Variants in TLN2 observed in about 807,000 individuals in gnomAD.
The protein encoded by TLN2 is talin 2.
In TLN2, 118 loss-of-function variants were observed where a neutral mutation model predicts 294.7. The ratio of observed to expected loss-of-function variants is 0.40; its 90% CI spans 0.34 to 0.47. TLN2 has a LOEUF of 0.47. TLN2 is among the 20% of genes least tolerant of loss of function. The pLI is 0.84. For missense variants in TLN2, 3,083 were observed against 3,282.2 expected, an observed-to-expected ratio of 0.94 and a Z score of 1.48; for synonymous variants, 1,431 against 1,304.5, an observed-to-expected ratio of 1.10 and a Z score of -2.09.
rs1264066987 is a variant in TLN2, at chr15:62,693,750, AAAATT to A, written c.1216-562_1216-558del. Among the ~76,000 whole-genome samples the A allele has an allele frequency of 2.0e-5, 3 of 152,156 alleles. No homozygotes were observed. The East Asian group carries it at 5.8e-4, about 29-fold the overall frequency. ...TGTGCATCTTGATTTTTTACTATGT[AAAATT>A]AAAGTCTGTGCAATAAATACGTGAC... is the stretch of plus-strand genomic sequence containing the variant. On this transcript the variant is annotated intron_variant, in intron 13 of 58. Transcript: ENST00000636159.
chr15:62,765,148 A>G (rs919745524), intron 40 of TLN2, among the ~76,000 whole-genome samples: 3 of 151,624 alleles, frequency 2.0e-5, no homozygotes, highest in Admixed American at 6.6e-5. Flanking sequence ...CACCCTATTT[A>G]ATTTAACAAA....
At chr15:62,839,914 G>A (rs1425194937) in intron 58 of TLN2, among the ~76,000 whole-genome samples, 1 of 152,206 alleles carries the variant, frequency 6.6e-6, no homozygotes, top group Non-Finnish European at 1.5e-5. Context: ...GCCAGGAAAG[G>A]AACTGACTTT....
intron 26 of TLN2, among the ~76,000 whole-genome samples, chr15:62,723,407 C>T (rs185157597): frequency 3.9e-5 from 6 of 152,280 alleles, no homozygotes; most frequent in Admixed American, 2.0e-4. Flanking sequence ...TGAACATCTG[C>T]ATTTTCACAA....
intron 1 of TLN2, among the ~76,000 whole-genome samples, chr15:62,460,015 C>T (rs547667349): frequency 1.3e-5 from 2 of 152,306 alleles, no homozygotes; most frequent in Non-Finnish European, 2.9e-5. Flanking sequence ...GATCCAGGAC[C>T]TCAGCTCTGT....
At chr15:62,507,726 C>T (rs2039700238) in intron 1 of TLN2, among the ~76,000 whole-genome samples, 1 of 152,166 alleles carries the variant, frequency 6.6e-6, no homozygotes, top group Non-Finnish European at 1.5e-5. Context: ...ATGTGGCATG[C>T]TTAGTAAGCA....
chr15:62,818,186 G>A (rs767713168), intron 52 of TLN2, among the ~76,000 whole-genome samples: 2 of 152,126 alleles, frequency 1.3e-5, no homozygotes, highest in Non-Finnish European at 2.9e-5. Context: ...GTTTAAAACC[G>A]GTAATGGATG....
intron 1 of TLN2, among the ~76,000 whole-genome samples, chr15:62,397,322 A>G (rs767059575): frequency 8.5e-5 from 13 of 152,116 alleles, no homozygotes; most frequent in African/African-American, 1.7e-4. Context: ...CAGTTGTACA[A>G]TCACACCTCA....
chr15:62,573,717 T>A (rs1479124768), intron 1 of TLN2, among the ~76,000 whole-genome samples: 1 of 151,768 alleles, frequency 6.6e-6, no homozygotes, highest in Non-Finnish European at 1.5e-5. Context: ...CTGTCCCTTT[T>A]GCTCCTTCCC....
At chr15:62,762,218 T>TC in intron 38 of TLN2, 54 bp from the exon 39 acceptor site, 1 of 1,598,740 alleles carries the variant, frequency 6.3e-7, no homozygotes, top group Non-Finnish European at 8.6e-7. Context: ...AGGGCCCACG[T>TC]CATTCACTCA....
chr15:62,577,444 C>T (rs1430463698), intron 1 of TLN2, among the ~76,000 whole-genome samples: 1 of 152,128 alleles, frequency 6.6e-6, no homozygotes, highest in Non-Finnish European at 1.5e-5. Flanking sequence ...AACTCCATCT[C>T]AAAAACAAAA....
At chr15:62,566,650 G>GC (rs1394546340) in intron 1 of TLN2, among the ~76,000 whole-genome samples, 1 of 149,420 alleles carries the variant, frequency 6.7e-6, no homozygotes, top group East Asian at 2.0e-4. Flanking sequence ...TTGAGATAGG[G>GC]CCTTGCTGTG....
chr15:62,762,313 C>G lies in TLN2; in HGVS notation c.4821C>G (p.Thr1607=), dbSNP rs1436189405. 6.2e-6 allele frequency: 10 copies of G among 1,614,072 alleles called. No homozygotes were observed. In the East Asian group the frequency reaches 6.7e-5, roughly 11 times the overall value. ...AACCAATCCTGGTCTCAGCCAAGAC[C>G]ATGCTGGAGAGTTCATCGTACCTCA... ...AQEPILVSAK[T]MLESSSYLIR... Residue 1607 remains threonine, a synonymous_variant, in exon 39 of 59, where the codon ACC becomes ACG. Coordinates refer to ENST00000636159, the MANE Select transcript of TLN2 (RefSeq NM_015059.3).
chr15:62,784,755 T>A (rs2064497752), intron 45 of TLN2: 1 of 152,234 alleles, frequency 6.6e-6, no homozygotes, highest in Non-Finnish European at 1.5e-5. Flanking sequence ...ATAAAAGTAA[T>A]TATATTCTGT....
chr15:62,696,390 T>A (rs1417162659), intron 14 of TLN2, among the ~76,000 whole-genome samples: 1 of 152,200 alleles, frequency 6.6e-6, no homozygotes, highest in Non-Finnish European at 1.5e-5. Flanking sequence ...TATTCTTCAT[T>A]CTAAGACAAT....
intron 1 of TLN2, among the ~76,000 whole-genome samples, chr15:62,516,332 T>C (rs1462908706): frequency 6.6e-6 from 1 of 152,234 alleles, no homozygotes; most frequent in Non-Finnish European, 1.5e-5. Flanking sequence ...GCAAATGACA[T>C]ACAGCATCCT....
At chr15:62,516,803 A>T (rs929325867) in intron 1 of TLN2, among the ~76,000 whole-genome samples, 1 of 152,168 alleles carries the variant, frequency 6.6e-6, no homozygotes, top group African/African-American at 2.4e-5. Flanking sequence ...TTGAGAGCAG[A>T]AAGTTTTTTT....
chr15:62,503,462 A>G (rs2140434830), intron 1 of TLN2, among the ~76,000 whole-genome samples: 1 of 152,372 alleles, frequency 6.6e-6, no homozygotes, highest in Non-Finnish European at 1.5e-5. Context: ...TTATACACAG[A>G]GAGACTTCTT....
chr15:62,728,924 C>T (rs1205526793), intron 28 of TLN2, among the ~76,000 whole-genome samples: 1 of 151,920 alleles, frequency 6.6e-6, no homozygotes, highest in African/African-American at 2.4e-5. Flanking sequence ...AAACTTTTGC[C>T]TAAGATTAAT....
chr15:62,636,951 A>G (rs2050438719), intron 3 of TLN2, among the ~76,000 whole-genome samples: 1 of 152,154 alleles, frequency 6.6e-6, no homozygotes, highest in Admixed American at 6.5e-5. Flanking sequence ...CACTTGTAGA[A>G]CAAAGCTTCC....
Sources: allele counts gnomAD v4.1 joint callset (sites outside exome capture counted in the v4.1 genomes callset), GRCh38; gene constraint gnomAD v4.1.1; transcripts MANE v1.5; gene names NCBI Gene and HGNC (gene_info 2026-07-23, HGNC 2026-07-21).